The following SNTG1 variants were observed in gnomAD, a reference collection of about 807,000 sequenced individuals.
SNTG1 encodes the protein syntrophin gamma 1.
Under a neutral mutation model 74.7 loss-of-function variants are expected in SNTG1, and 39 were observed. The ratio of observed to expected loss-of-function variants is 0.52; its 90% CI spans 0.40 to 0.68. The LOEUF (loss-of-function observed/expected upper bound fraction) is 0.68. Ranked by LOEUF, SNTG1 falls within the 30% of genes least tolerant of loss-of-function variation. The pLI is 0.00. For missense variants in SNTG1, 685 were observed against 609.5 expected, an observed-to-expected ratio of 1.12 and a Z score of -1.30; for synonymous variants, 254 against 217.1, an observed-to-expected ratio of 1.17 and a Z score of -1.49.
intron 18 of SNTG1, among the ~76,000 whole-genome samples, chr8:50,763,898 CACACACACA>C: frequency 9.4e-6 from 1 of 106,388 alleles, no homozygotes; most frequent in Admixed American, 8.3e-5. Flanking sequence ...CACACACACA[CACACACACA>C]AAAATAACCA....
intron 1 of SNTG1, among the ~76,000 whole-genome samples, chr8:49,918,765 G>C (rs1440930842): frequency 6.6e-6 from 1 of 151,832 alleles, no homozygotes; most frequent in African/African-American, 2.4e-5. Flanking sequence ...TGTGCCAAAG[G>C]GAAAAACAAT....
chr8:50,708,744 A>C (rs956648937), intron 16 of SNTG1, 142 bp from the exon 17 acceptor site: 2 of 588,264 alleles, frequency 3.4e-6, no homozygotes, highest in African/African-American at 3.7e-5. Flanking sequence ...AAATGTTGAT[A>C]ATACTCCCTT....
chr8:50,710,469 C>T (rs1228356750), intron 17 of SNTG1, among the ~76,000 whole-genome samples: 1 of 151,956 alleles, frequency 6.6e-6, no homozygotes, highest in Non-Finnish European at 1.5e-5. Context: ...AAACAAATTT[C>T]ACTAACTAGA....
chr8:50,680,744 G>A (rs771150954), intron 15 of SNTG1, among the ~76,000 whole-genome samples: 4 of 152,046 alleles, frequency 2.6e-5, no homozygotes, highest in Admixed American at 6.6e-5. Context: ...CTCTGGTGAC[G>A]TGGAAGCATT....
intron 2 of SNTG1, among the ~76,000 whole-genome samples, chr8:50,248,645 C>G (rs1343882418): frequency 1.3e-5 from 2 of 152,138 alleles, no homozygotes; most frequent in South Asian, 2.1e-4. Context: ...AACTCTATCT[C>G]TATCTAGATA....
intron 2 of SNTG1, among the ~76,000 whole-genome samples, chr8:50,356,556 A>T (rs1186502152): frequency 6.6e-6 from 1 of 152,180 alleles, no homozygotes; most frequent in East Asian, 1.9e-4. Context: ...GAAGCCCAAG[A>T]TCAAGATGCC....
chr8:50,302,468 A>C (rs577230927), intron 2 of SNTG1, among the ~76,000 whole-genome samples: 1 of 152,076 alleles, frequency 6.6e-6, no homozygotes, highest in African/African-American at 2.4e-5. Flanking sequence ...TTCTGTAGTG[A>C]GTCTGCCAGT....
chr8:50,708,723 C>T, intron 16 of SNTG1, 163 bp from the exon 17 acceptor site: 1 of 573,492 alleles, frequency 1.7e-6, no homozygotes, highest in Non-Finnish European at 3.1e-6. Flanking sequence ...GCTTCTGTTT[C>T]ATTAACATTA....
chr8:50,343,139 CGCTCAT>C (rs2091368135), intron 2 of SNTG1, among the ~76,000 whole-genome samples: 2 of 152,142 alleles, frequency 1.3e-5, no homozygotes, highest in African/African-American at 4.8e-5. Flanking sequence ...GGATTTATGT[CGCTCAT>C]AGGAATTGCA....
At position 49,912,067 on chromosome 8, in the gene SNTG1, G is replaced by C. The variant is rs1341749502; in HGVS notation, c.-267G>C. On this transcript the variant is annotated 5_prime_UTR_variant, in exon 1 of 19. Transcript: ENST00000642720. ...AGCTCTGAGAAATCATGGGCCGTGC[G>C]GTAGGGGTTGAAATGCTCAAAGGTC... 1 of 152,196 alleles carries C rather than the reference G, an allele frequency of 6.6e-6. No homozygotes were observed. Among genetic ancestry groups the C allele is most frequent in the Admixed American group, 6.5e-5 (1 of 15,268 alleles). The allele number at this position is 152,196 out of a possible 1,614,324, so 9.4% of individuals were successfully genotyped here.
chr8:50,244,212 C>T (rs374325999), intron 2 of SNTG1, among the ~76,000 whole-genome samples: 1 of 152,072 alleles, frequency 6.6e-6, no homozygotes, highest in East Asian at 1.9e-4. Context: ...CACTCGCTAT[C>T]ATGAGGACAG....
At chr8:50,605,772 T>C (rs2094807838) in intron 13 of SNTG1, among the ~76,000 whole-genome samples, 1 of 152,204 alleles carries the variant, frequency 6.6e-6, no homozygotes, top group Non-Finnish European at 1.5e-5. Context: ...GGTTAAAATT[T>C]GGTGCTTCTG....
At chr8:50,390,658 G>A (rs571562625) in intron 2 of SNTG1, among the ~76,000 whole-genome samples, 33 of 152,202 alleles carry the variant, frequency 2.2e-4, no homozygotes, top group African/African-American at 7.9e-4. Flanking sequence ...AATTACCTTG[G>A]GCAGAATGGC....
At chr8:50,296,072 C>T (rs2089354281) in intron 2 of SNTG1, among the ~76,000 whole-genome samples, 1 of 152,072 alleles carries the variant, frequency 6.6e-6, no homozygotes, top group Non-Finnish European at 1.5e-5. Flanking sequence ...ATTTGTCTTT[C>T]AGTAGACCAC....
chr8:50,631,922 CT>C (rs1207155766), intron 13 of SNTG1, among the ~76,000 whole-genome samples: 1 of 152,206 alleles, frequency 6.6e-6, no homozygotes, highest in Non-Finnish European at 1.5e-5. Context: ...TAAATCAATG[CT>C]CACGTCTGCT....
intron 1 of SNTG1, among the ~76,000 whole-genome samples, chr8:49,949,327 AT>A (rs1809495651): frequency 6.6e-6 from 1 of 152,244 alleles, no homozygotes; most frequent in Admixed American, 6.5e-5. Context: ...TTTTAAAAAA[AT>A]AATTTACAGC....
intron 12 of SNTG1, among the ~76,000 whole-genome samples, chr8:50,555,012 G>A (rs1283263162): frequency 1.3e-5 from 2 of 152,202 alleles, no homozygotes; most frequent in African/African-American, 4.8e-5. Context: ...CAGTTAGAAT[G>A]CTGTGCTTCA....
At chr8:50,608,767 G>A (rs2094830477) in intron 13 of SNTG1, among the ~76,000 whole-genome samples, 1 of 151,768 alleles carries the variant, frequency 6.6e-6, no homozygotes, top group Non-Finnish European at 1.5e-5. Flanking sequence ...GATGTTTTAT[G>A]TCTTTTTAAT....
At chr8:50,786,797 A>G (rs956033988) in intron 18 of SNTG1, among the ~76,000 whole-genome samples, 4 of 152,018 alleles carry the variant, frequency 2.6e-5, no homozygotes, top group African/African-American at 9.7e-5. Flanking sequence ...AATCCAAAAA[A>G]TTAAGTTGAG....
Sources: allele counts gnomAD v4.1 joint callset (sites outside exome capture counted in the v4.1 genomes callset), GRCh38; gene constraint gnomAD v4.1.1; transcripts MANE v1.5; gene names NCBI Gene and HGNC (gene_info 2026-07-23, HGNC 2026-07-21).